FCGRT: variants seen among roughly 807,000 people sequenced by gnomAD.
FCGRT encodes Fc gamma receptor and transporter.
In FCGRT, 13 loss-of-function variants were observed where a neutral mutation model predicts 35.7. That is an observed-to-expected ratio of 0.36 (90% CI 0.24 to 0.58). FCGRT has a LOEUF of 0.58. FCGRT is among the 20% of genes least tolerant of loss of function. The pLI, the probability that FCGRT is intolerant of heterozygous loss-of-function variation, is 0.77. For missense variants in FCGRT, 455 were observed against 474.9 expected (o/e 0.96, Z 0.39); for synonymous variants, 233 against 216.5 (o/e 1.08, Z -0.67).
intron 5 of FCGRT, 32 bp from the exon 6 acceptor site, chr19:49,525,425 G>A: frequency 1.3e-6 from 2 of 1,521,168 alleles, no homozygotes; most frequent in Non-Finnish European, 1.8e-6. Context: ...TGGAGGGGCT[G>A]CTCCACATCT....
Position 49,514,280 on chromosome 19 carries a change from A to T in FCGRT, c.395A>T (p.Lys132Met), listed in dbSNP as rs140458678. Residue 132 changes from lysine to methionine, a missense_variant, in exon 4 of 7, where the codon AAG becomes ATG. Coordinates refer to ENST00000221466, the MANE Select transcript of FCGRT (RefSeq NM_001136019.3). ...GACAACACCTCGGTGCCCACCGCCA[A>T]GTTCGCCCTGAACGGCGAGGAGTTC... ...GPDNTSVPTA[K>M]FALNGEEFMN... 6.2e-7 allele frequency: 1 copy of T among 1,611,798 alleles called. No homozygotes were observed. Among genetic ancestry groups the T allele is most frequent in the African/African-American group, 1.3e-5 (1 of 74,918 alleles).
At chr19:49,520,133 T>C (rs985224557) in intron 4 of FCGRT, among the ~76,000 whole-genome samples, 3 of 141,060 alleles carry the variant, frequency 2.1e-5, no homozygotes, top group Non-Finnish European at 4.6e-5. Context: ...GCCCGGGCTT[T>C]TTTTTTTTTT....
intron 2 of FCGRT, 115 bp from the exon 3 acceptor site, chr19:49,513,767 C>T: frequency 3.3e-6 from 1 of 298,542 alleles, no homozygotes; most frequent in East Asian, 1.1e-4. Flanking sequence ...TGTCCCCTCT[C>T]TCTGAATCTG....
rs1055873530 is a variant in FCGRT at position 49,513,395 on chromosome 19, C to T, written c.-6C>T. ...GCCCCCTCCCGCCCCAGGTCGTCCT[C>T]TCAGCATGGGGGTCCCGCGGCCTCA... On this transcript the variant is annotated 5_prime_UTR_variant, in exon 2 of 7. Transcript: ENST00000221466. 2.4e-5 allele frequency: 30 copies of T among 1,241,164 alleles called. No homozygotes were observed. The highest frequency in any genetic ancestry group is 3.0e-5 in the Non-Finnish European group (30 of 984,904). The allele number at this position is 1,241,164 out of a possible 1,614,324, so 76.9% of individuals were successfully genotyped here.
chr19:49,524,806 G>A, intron 5 of FCGRT, 30 bp downstream of exon 5: 1 of 1,590,620 alleles, frequency 6.3e-7, no homozygotes, highest in Non-Finnish European at 8.5e-7. Flanking sequence ...TGATGCTCCT[G>A]GTTTCCCGTT....
intron 4 of FCGRT, chr19:49,515,103 TC>T (rs2080000270): frequency 6.6e-6 from 1 of 151,604 alleles, no homozygotes; most frequent in Non-Finnish European, 1.5e-5. Context: ...CAAGCAGTCC[TC>T]CCACCTCAGC....
rs1385694462 is a variant in FCGRT, at chr19:49,514,603, C to G, written c.601+117C>G. Reference sequence around the variant, plus strand: ...CCCACTGCAGCCCACGCTCTGCCCCCCCATTCCTCAGGGGTCCTTCTACAC... The same window carrying G: ...CCCACTGCAGCCCACGCTCTGCCCCGCCATTCCTCAGGGGTCCTTCTACAC... On this transcript the variant is annotated intron_variant, in intron 4 of 6. Transcript: ENST00000221466. 1.8e-5 allele frequency: 18 copies of G among 1,025,002 alleles called. No individual in the cohort carries two copies. In the East Asian group the frequency reaches 3.4e-4, roughly 20 times the overall value. The allele number at this position is 1,025,002 out of a possible 1,614,324, so 63.5% of individuals were successfully genotyped here. A position where few individuals can be genotyped will look rare whatever the true frequency, so the allele number is the denominator to read the frequency against.
chr19:49,517,058 G>A (rs1455799490), intron 4 of FCGRT, among the ~76,000 whole-genome samples: 1 of 152,046 alleles, frequency 6.6e-6, no homozygotes, highest in African/African-American at 2.4e-5. Context: ...TGGCATGGTG[G>A]TATGTGCCTC....
chr19:49,523,198 A>G (rs1019671023), intron 4 of FCGRT, among the ~76,000 whole-genome samples: 2 of 152,182 alleles, frequency 1.3e-5, no homozygotes, highest in African/African-American at 2.4e-5. Context: ...AATCATTTCT[A>G]CATTGGAAGA....
chr19:49,522,654 G>A (rs867427579), intron 4 of FCGRT, among the ~76,000 whole-genome samples: 5 of 149,948 alleles, frequency 3.3e-5, no homozygotes, highest in Admixed American at 6.7e-5. Flanking sequence ...GGCTGGTCTC[G>A]ACCTCCTGAC....
intron 3 of FCGRT, 26 bp from the exon 4 acceptor site, chr19:49,514,185 C>G (rs748122246): frequency 1.9e-6 from 3 of 1,609,116 alleles, no homozygotes; most frequent in African/African-American, 1.3e-5. Context: ...TCCGGGGCCC[C>G]GCTTACCTGT....
In FCGRT at chr19:49,514,768, A is replaced by G. The variant is rs1190808123; in HGVS notation, c.601+282A>G. The stretch of plus-strand genomic sequence containing the variant: ...GAGTGTAATGGCGCGATCTCGGCTC[A>G]CCACAACCTCCGCCTCCCGGGTTCA... On this transcript the variant is annotated intron_variant, in intron 4 of 6. Coordinates refer to ENST00000221466, the MANE Select transcript of FCGRT (RefSeq NM_001136019.3). 2.1e-5 allele frequency among the ~76,000 whole-genome samples: 3 copies of G among 145,442 alleles called. No homozygotes were observed. In the East Asian group the frequency reaches 6.1e-4, roughly 29 times the overall value.
chr19:49,518,460 G>A (rs2080021582), intron 4 of FCGRT, among the ~76,000 whole-genome samples: 1 of 151,382 alleles, frequency 6.6e-6, no homozygotes, highest in Non-Finnish European at 1.5e-5. Context: ...GAACTTCCTG[G>A]GCTCAAGTAA....
At chr19:49,513,571 G>C in intron 2 of FCGRT, 98 bp downstream of exon 2, 2 of 665,922 alleles carry the variant, frequency 3.0e-6, no homozygotes, top group Non-Finnish European at 4.3e-6. Flanking sequence ...AGTTCCCCGC[G>C]AGCCCCTGGC....
chr19:49,516,756 C>T (rs929724937), intron 4 of FCGRT, among the ~76,000 whole-genome samples: 4 of 151,930 alleles, frequency 2.6e-5, no homozygotes, highest in East Asian at 1.9e-4. Context: ...GGGGGCTTCA[C>T]CATGCTGGCC....
Position 49,514,326 on chromosome 19 carries a change from G to A in FCGRT, c.441G>A (p.Gln147=), listed in dbSNP as rs760999604. Residue 147 remains glutamine, a synonymous_variant, in exon 4 of 7, where the codon CAG becomes CAA. Transcript: ENST00000221466. ...GEEFMNFDLK[Q]GTWGGDWPEA... The stretch of plus-strand genomic sequence containing the variant: ...AGTTCATGAATTTCGACCTCAAGCA[G>A]GGCACCTGGGGTGGGGACTGGCCCG... The A allele has an allele frequency of 6.2e-7, 1 of 1,613,462 alleles. No individual in the cohort carries two copies. Among genetic ancestry groups the A allele is most frequent in the East Asian group, 2.2e-5 (1 of 44,884 alleles).
At chr19:49,516,195 A>G in intron 4 of FCGRT, 1 of 446,290 alleles carries the variant, frequency 2.2e-6, no homozygotes, top group Admixed American at 2.6e-5. Context: ...TTGAGACTCA[A>G]CCAGGTAGTT....
At chr19:49,517,755 C>T (rs1047110526) in intron 4 of FCGRT, among the ~76,000 whole-genome samples, 64 of 152,118 alleles carry the variant, frequency 4.2e-4, no homozygotes, top group Non-Finnish European at 1.3e-4. Flanking sequence ...TGTAGTGGCT[C>T]AGTCTCGGCT....
intron 4 of FCGRT, among the ~76,000 whole-genome samples, chr19:49,520,122 C>T (rs1799682108): frequency 7.1e-6 from 1 of 140,070 alleles, no homozygotes; most frequent in Non-Finnish European, 1.5e-5. Flanking sequence ...TGAGCCACCG[C>T]GCCCGGGCTT....
Sources: gnomAD v4.1 joint callset for allele counts (sites outside exome capture counted in the v4.1 genomes callset) on GRCh38, gnomAD v4.1.1 for gene constraint, MANE v1.5 for transcripts, NCBI Gene and HGNC (gene_info 2026-07-23, HGNC 2026-07-21) for gene names.